The following RFX3 variants were observed in gnomAD, a reference collection of about 807,000 sequenced individuals.
RFX3 encodes regulatory factor X3.
Under a neutral mutation model 98.6 loss-of-function variants are expected in RFX3, and 14 were observed. The ratio of observed to expected loss-of-function variants is 0.14; its 90% CI spans 0.09 to 0.22. The LOEUF is 0.22. Ranked by LOEUF, RFX3 falls within the 10% of genes least tolerant of loss-of-function variation. The pLI, the probability that RFX3 is intolerant of heterozygous loss-of-function variation, is 1.00. For missense variants in RFX3, 639 were observed against 926.9 expected (o/e 0.69, Z 4.03); for synonymous variants, 383 against 328.4 (o/e 1.17, Z -1.80).
At chr9:3,237,380 G>C (rs1380295557) in intron 15 of RFX3, among the ~76,000 whole-genome samples, 1 of 152,138 alleles carries the variant, frequency 6.6e-6, no homozygotes, top group Non-Finnish European at 1.5e-5. Context: ...TCCAGTAGCA[G>C]TACAGTATTA....
At chr9:3,504,909 TATATAATATAACATATATTATATATAA>T (rs1816705258) in intron 1 of RFX3, among the ~76,000 whole-genome samples, 3 of 72,776 alleles carry the variant, frequency 4.1e-5, no homozygotes, top group Admixed American at 2.4e-4. Flanking sequence ...ATTATATATA[TATATAATATAACATATATTATATATAA>T]TATATATAAT....
At chr9:3,310,589 T>C (rs1032911412) in intron 4 of RFX3, among the ~76,000 whole-genome samples, 2 of 152,210 alleles carry the variant, frequency 1.3e-5, no homozygotes, top group Non-Finnish European at 2.9e-5. Context: ...TTATGAATTA[T>C]AAAGGGTTTC....
intron 1 of RFX3, among the ~76,000 whole-genome samples, chr9:3,404,418 A>T (rs972592975): frequency 6.6e-6 from 1 of 152,136 alleles, no homozygotes; most frequent in African/African-American, 2.4e-5. Flanking sequence ...AATCAGTAAA[A>T]TTTCAAATAA....
At position 3,266,195 on chromosome 9, in the gene RFX3, A is replaced by T. The variant is rs375630191; in HGVS notation, c.1455+13T>A. On this transcript the variant is annotated intron_variant, in intron 12 of 16. Transcript: ENST00000617270. The stretch of plus-strand genomic sequence containing the variant: ...CCTCAACACAAAAGAAAAAGCAAGG[A>T]CATAAAGTATACCTTGGTTTGTATC... 13 of 1,489,100 alleles carry T rather than the reference A, an allele frequency of 8.7e-6. No homozygotes were observed. Among genetic ancestry groups the T allele is most frequent in the Non-Finnish European group, 1.2e-5 (13 of 1,072,250 alleles). The allele number at this position is 1,489,100 out of a possible 1,614,324, so 92.2% of individuals were successfully genotyped here.
intron 1 of RFX3, among the ~76,000 whole-genome samples, chr9:3,437,345 G>A (rs1587674707): frequency 2.0e-5 from 3 of 152,034 alleles, no homozygotes; most frequent in Non-Finnish European, 4.4e-5. Flanking sequence ...ACATTCAACT[G>A]TTTGAAATAA....
chr9:3,250,189 AT>A (rs1230211231), intron 14 of RFX3, among the ~76,000 whole-genome samples: 1 of 151,974 alleles, frequency 6.6e-6, no homozygotes, highest in African/African-American at 2.4e-5. Flanking sequence ...TAAAAAGAAA[AT>A]GTTACATAAC....
At chr9:3,291,296 C>CG (rs1024040544) in intron 6 of RFX3, among the ~76,000 whole-genome samples, 1 of 151,928 alleles carries the variant, frequency 6.6e-6, no homozygotes, top group African/African-American at 2.4e-5. Flanking sequence ...CACTTGAACC[C>CG]GGGGGGCAGA....
At chr9:3,397,539 T>C (rs1353041347) in intron 1 of RFX3, among the ~76,000 whole-genome samples, 2 of 152,136 alleles carry the variant, frequency 1.3e-5, no homozygotes, top group African/African-American at 4.8e-5. Flanking sequence ...CTGAAGACAA[T>C]GCATCTATTC....
At chr9:3,238,969 C>A (rs1243434649) in intron 15 of RFX3, among the ~76,000 whole-genome samples, 1 of 150,632 alleles carries the variant, frequency 6.6e-6, no homozygotes, top group Non-Finnish European at 1.5e-5. Flanking sequence ...GCACTCCAGC[C>A]TGGGCAACAA....
At chr9:3,477,542 C>T (rs1587809430) in intron 1 of RFX3, among the ~76,000 whole-genome samples, 1 of 152,224 alleles carries the variant, frequency 6.6e-6, no homozygotes, top group East Asian at 1.9e-4. Context: ...GCTATTAAGC[C>T]TATTGAGGAT....
At chr9:3,268,909 T>A (rs1824011691) in intron 11 of RFX3, among the ~76,000 whole-genome samples, 1 of 151,896 alleles carries the variant, frequency 6.6e-6, no homozygotes, top group Non-Finnish European at 1.5e-5. Context: ...ATGAGAAAAA[T>A]TTTATGTTGG....
At chr9:3,410,256 T>C (rs1446158008) in intron 1 of RFX3, among the ~76,000 whole-genome samples, 1 of 147,692 alleles carries the variant, frequency 6.8e-6, no homozygotes, top group Non-Finnish European at 1.5e-5. Flanking sequence ...TCTATAGGAA[T>C]TCTGAACCAT....
chr9:3,406,135 AT>A (rs1229370149), intron 1 of RFX3, among the ~76,000 whole-genome samples: 2 of 151,098 alleles, frequency 1.3e-5, no homozygotes, highest in East Asian at 1.9e-4. Context: ...AATTTTTTGG[AT>A]TTTTTTTGTA....
intron 3 of RFX3, among the ~76,000 whole-genome samples, chr9:3,336,864 C>A (rs1224889255): frequency 6.6e-6 from 1 of 151,994 alleles, no homozygotes; most frequent in Non-Finnish European, 1.5e-5. Context: ...GAATAAGAAT[C>A]ATTTTTAGAA....
At chr9:3,439,801 A>T (rs62526385) in intron 1 of RFX3, among the ~76,000 whole-genome samples, 1 of 151,976 alleles carries the variant, frequency 6.6e-6, no homozygotes, top group Non-Finnish European at 1.5e-5. Flanking sequence ...TTACTTTAAT[A>T]CACATGGAGA....
chr9:3,524,211 A>C (rs1319258150), intron 1 of RFX3, among the ~76,000 whole-genome samples: 1 of 152,202 alleles, frequency 6.6e-6, no homozygotes, highest in African/African-American at 2.4e-5. Context: ...AAATCTATTA[A>C]CTAAAAGTTA....
chr9:3,290,431 T>G (rs1437733253), intron 6 of RFX3, among the ~76,000 whole-genome samples: 1 of 152,100 alleles, frequency 6.6e-6, no homozygotes, highest in Non-Finnish European at 1.5e-5. Flanking sequence ...TTCCTTTCAG[T>G]AACAAAAGAA....
Position 3,340,698 on chromosome 9 carries a change from A to T in RFX3, c.215+5969T>A, listed in dbSNP as rs372875517. On this transcript the variant is annotated intron_variant, in intron 3 of 16. Transcript: ENST00000617270. Reference sequence around the variant, plus strand: ...TCAGAGAAATGCAAATCAAAACCACAATGAGATACCATCTCACACCAGTTA... The same window carrying T: ...TCAGAGAAATGCAAATCAAAACCACTATGAGATACCATCTCACACCAGTTA... 7.2e-5 allele frequency among the ~76,000 whole-genome samples: 11 copies of T among 152,208 alleles called. No homozygotes were observed. In the East Asian group the frequency reaches 7.7e-4, roughly 11 times the overall value.
At chr9:3,343,048 G>A (rs1834067164) in intron 3 of RFX3, among the ~76,000 whole-genome samples, 2 of 152,296 alleles carry the variant, frequency 1.3e-5, no homozygotes, top group South Asian at 4.1e-4. Flanking sequence ...AGCCTGTTAT[G>A]CTGGCAGTAA....
Sources: gnomAD v4.1 joint callset for allele counts (sites outside exome capture counted in the v4.1 genomes callset) on GRCh38, gnomAD v4.1.1 for gene constraint, MANE v1.5 for transcripts, NCBI Gene and HGNC (gene_info 2026-07-23, HGNC 2026-07-21) for gene names.